The following DCAF8 variants were observed in gnomAD, a reference collection of about 807,000 sequenced individuals.
The protein encoded by DCAF8 is DDB1 and CUL4 associated factor 8.
DCAF8 carries 20 observed loss-of-function variants against 68.0 expected under a neutral mutation model. That is an observed-to-expected ratio of 0.29 (90% CI 0.21 to 0.43). The LOEUF is 0.43. Ranked by LOEUF, DCAF8 falls within the 20% of genes least tolerant of loss-of-function variation. The probability of loss-of-function intolerance (pLI) is 1.00; values close to 1 mark genes in which losing one functional copy is unlikely to be tolerated. For synonymous variants in DCAF8, 230 were observed against 276.9 expected, an observed-to-expected ratio of 0.83 and a Z score of 1.68; for missense variants, 460 against 771.0, an observed-to-expected ratio of 0.60 and a Z score of 4.78.
Position 160,216,156 on chromosome 1 carries a change from A to T in DCAF8, c.*1436T>A, listed in dbSNP as rs1363712659. On this transcript the variant is annotated 3_prime_UTR_variant, in exon 14 of 14. Transcript: ENST00000368074. ...CCTTAGATTAATGACTTATTCCTCA[A>T]TCCTAAAATATCAAGAGGTGGACAA... The T allele has an allele frequency of 6.6e-6, 1 of 152,154 alleles. No individual in the cohort carries two copies. The highest frequency in any genetic ancestry group is 2.4e-5 in the African/African-American group (1 of 41,432). The allele number at this position is 152,154 out of a possible 1,614,324, so 9.4% of individuals were successfully genotyped here. A position where few individuals can be genotyped will look rare whatever the true frequency, so the allele number is the denominator to read the frequency against.
At chr1:160,259,225 A>G (rs1246847279) in intron 2 of DCAF8, among the ~76,000 whole-genome samples, 1 of 152,236 alleles carries the variant, frequency 6.6e-6, no homozygotes, top group Non-Finnish European at 1.5e-5. Flanking sequence ...AAGACGGTCC[A>G]GCTGTGGAGC....
chr1:160,242,972 C>A (rs1313496730), intron 3 of DCAF8, among the ~76,000 whole-genome samples: 1 of 152,136 alleles, frequency 6.6e-6, no homozygotes, highest in African/African-American at 2.4e-5. Context: ...GAATGAATGG[C>A]AGTGATAAGA....
At chr1:160,236,548 G>A (rs1200079038) in intron 6 of DCAF8, among the ~76,000 whole-genome samples, 1 of 152,040 alleles carries the variant, frequency 6.6e-6, no homozygotes, top group African/African-American at 2.4e-5. Flanking sequence ...GGTTCAGAAG[G>A]TTATGTAAGT....
At chr1:160,227,977 C>G (rs1655534686) in intron 7 of DCAF8, among the ~76,000 whole-genome samples, 1 of 152,118 alleles carries the variant, frequency 6.6e-6, no homozygotes, top group African/African-American at 2.4e-5. Flanking sequence ...TCACTGTAGC[C>G]TCAAACTCCT....
intron 2 of DCAF8, among the ~76,000 whole-genome samples, chr1:160,256,301 A>T (rs1656834800): frequency 6.6e-6 from 1 of 152,030 alleles, no homozygotes; most frequent in Admixed American, 6.6e-5. Flanking sequence ...TATATTTCAA[A>T]TTTTTCTTAA....
At chr1:160,250,956 G>A (rs755900426) in intron 2 of DCAF8, among the ~76,000 whole-genome samples, 6 of 152,046 alleles carry the variant, frequency 3.9e-5, no homozygotes, top group South Asian at 2.1e-4. Flanking sequence ...AAACATCAAC[G>A]TGTAAATATT....
intron 3 of DCAF8, among the ~76,000 whole-genome samples, chr1:160,241,741 C>G (rs1656124946): frequency 6.6e-6 from 1 of 152,174 alleles, no homozygotes; most frequent in Non-Finnish European, 1.5e-5. Context: ...GAAAGGCAGA[C>G]CATCCAGTAT....
At chr1:160,221,634 G>C (rs1655299987) in intron 11 of DCAF8, among the ~76,000 whole-genome samples, 1 of 152,042 alleles carries the variant, frequency 6.6e-6, no homozygotes, top group Non-Finnish European at 1.5e-5. Context: ...GTTCCCCACA[G>C]CTAAGAAGGA....
chr1:160,260,263 G>C (rs2101779854), intron 2 of DCAF8, among the ~76,000 whole-genome samples: 1 of 152,144 alleles, frequency 6.6e-6, no homozygotes, highest in Middle Eastern at 3.4e-3. Flanking sequence ...ACTTGCTCAA[G>C]GTCACATGGC....
At chr1:160,253,266 T>C (rs1571112580) in intron 2 of DCAF8, among the ~76,000 whole-genome samples, 1 of 152,136 alleles carries the variant, frequency 6.6e-6, no homozygotes, top group East Asian at 1.9e-4. Flanking sequence ...TTTGGGAGGC[T>C]GAGGCTGGAG....
At chr1:160,236,629 T>C (rs1171586710) in intron 6 of DCAF8, among the ~76,000 whole-genome samples, 3 of 152,202 alleles carry the variant, frequency 2.0e-5, no homozygotes, top group Non-Finnish European at 2.9e-5. Context: ...TTGTGTTTTT[T>C]CTATGATACC....
At chr1:160,221,931 G>C (rs1010691681) in intron 11 of DCAF8, among the ~76,000 whole-genome samples, 3 of 151,988 alleles carry the variant, frequency 2.0e-5, no homozygotes, top group Non-Finnish European at 4.4e-5. Flanking sequence ...ACTCCACAGA[G>C]GGCTGCAGAA....
intron 6 of DCAF8, 60 bp downstream of exon 6, chr1:160,237,075 T>C: frequency 5.7e-6 from 7 of 1,231,916 alleles, no homozygotes; most frequent in Non-Finnish European, 8.0e-6. Context: ...TACCAAGACA[T>C]ATGGAATATG....
At chr1:160,233,809 T>C (rs1655777151) in intron 6 of DCAF8, among the ~76,000 whole-genome samples, 1 of 152,096 alleles carries the variant, frequency 6.6e-6, no homozygotes, top group Non-Finnish European at 1.5e-5. Flanking sequence ...CATTTCTCCC[T>C]CCTGATGGGT....
At chr1:160,234,969 C>A (rs1022637627) in intron 6 of DCAF8, among the ~76,000 whole-genome samples, 1 of 152,152 alleles carries the variant, frequency 6.6e-6, no homozygotes, top group African/African-American at 2.4e-5. Flanking sequence ...CTTCTACTAT[C>A]CAAACAGCTT....
intron 6 of DCAF8, among the ~76,000 whole-genome samples, chr1:160,236,539 G>C (rs1301938636): frequency 6.6e-6 from 1 of 152,126 alleles, no homozygotes; most frequent in East Asian, 1.9e-4. Context: ...AGAAAATGAG[G>C]TTCAGAAGGT....
chr1:160,262,295 G>C, intron 1 of DCAF8, 154 bp downstream of exon 1: 1 of 399,324 alleles, frequency 2.5e-6, no homozygotes, highest in Non-Finnish European at 4.4e-6. Context: ...CAAGGGAGGG[G>C]GGGTGTCCGG....
intron 4 of DCAF8, 168 bp from the exon 5 acceptor site, chr1:160,238,915 G>T: frequency 2.4e-6 from 2 of 834,564 alleles, no homozygotes; most frequent in Non-Finnish European, 3.5e-6. Flanking sequence ...TCTTCCAGGA[G>T]TTAAAGGAAA....
chr1:160,225,392 T>C (rs997541800), intron 8 of DCAF8, among the ~76,000 whole-genome samples, 199 bp downstream of exon 8: 4 of 152,218 alleles, frequency 2.6e-5, no homozygotes, highest in African/African-American at 9.7e-5. Context: ...TTTATTTCTA[T>C]TTTGTCGATT....
Sources: allele counts gnomAD v4.1 joint callset (sites outside exome capture counted in the v4.1 genomes callset), GRCh38; gene constraint gnomAD v4.1.1; transcripts MANE v1.5; gene names NCBI Gene and HGNC (gene_info 2026-07-23, HGNC 2026-07-21).